The following LDLRAD4 variants were observed in gnomAD, a reference collection of about 807,000 sequenced individuals.
LDLRAD4 encodes low density lipoprotein receptor class A domain containing 4.
Under a neutral mutation model 17.0 loss-of-function variants are expected in LDLRAD4, and 5 were observed. The ratio of observed to expected loss-of-function variants is 0.29; its 90% CI spans 0.15 to 0.62. The LOEUF is 0.62. LDLRAD4 is among the 20% of genes least tolerant of loss of function. The pLI is 0.84. For synonymous variants in LDLRAD4, 168 were observed against 171.8 expected (o/e 0.98, Z 0.17); for missense variants, 340 against 424.7 (o/e 0.80, Z 1.75).
At chr18:13,565,684 C>G (rs2094591554) in intron 3 of LDLRAD4, among the ~76,000 whole-genome samples, 2 of 152,208 alleles carry the variant, frequency 1.3e-5, no homozygotes, top group South Asian at 4.1e-4. Flanking sequence ...ATGCCGTGAG[C>G]ATAACCTTTC....
At chr18:13,223,273 G>C (rs2041564342) in intron 1 of LDLRAD4, among the ~76,000 whole-genome samples, 1 of 152,186 alleles carries the variant, frequency 6.6e-6, no homozygotes, top group African/African-American at 2.4e-5. Flanking sequence ...TTCCTAAAAG[G>C]ACCTAGAGAG....
At chr18:13,553,591 G>A (rs1030247331) in intron 3 of LDLRAD4, among the ~76,000 whole-genome samples, 6 of 152,126 alleles carry the variant, frequency 3.9e-5, no homozygotes, top group East Asian at 1.9e-4. Context: ...GAGCTGTGCC[G>A]AGAACAGGGA....
intron 3 of LDLRAD4, chr18:13,611,722 T>C: frequency 1.0e-6 from 1 of 985,380 alleles, no homozygotes; most frequent in Non-Finnish European, 1.2e-6. Context: ...TGTGCTACCA[T>C]ACATGGGGAA....
At chr18:13,396,510 G>T (rs1246212336) in intron 2 of LDLRAD4, among the ~76,000 whole-genome samples, 1 of 152,138 alleles carries the variant, frequency 6.6e-6, no homozygotes, top group Middle Eastern at 3.2e-3. Context: ...TTTAGACAGG[G>T]TCTTGCTGTG....
chr18:13,433,543 G>C (rs1449372416), intron 2 of LDLRAD4, among the ~76,000 whole-genome samples: 1 of 152,114 alleles, frequency 6.6e-6, no homozygotes, highest in Non-Finnish European at 1.5e-5. Context: ...CTGTTAACTA[G>C]TAGAATGTTG....
At chr18:13,601,579 G>T (rs1044918965) in intron 3 of LDLRAD4, among the ~76,000 whole-genome samples, 1 of 151,786 alleles carries the variant, frequency 6.6e-6, no homozygotes, top group Non-Finnish European at 1.5e-5. Flanking sequence ...GCATGAACCC[G>T]GGAGGCGGAG....
In LDLRAD4 at chr18:13,601,557, G is replaced by A. The variant is rs372443368; in HGVS notation, c.182-19560G>A. On this transcript the variant is annotated intron_variant, in intron 3 of 5. Coordinates refer to ENST00000359446, the Ensembl canonical transcript of LDLRAD4. ...TAGTCCCAGCTACTCGGGAGGCTGA[G>A]GCAGGAGAATGGCATGAACCCGGGA... Among the ~76,000 whole-genome samples, 4 of 152,134 alleles carry A rather than the reference G, an allele frequency of 2.6e-5. No homozygotes were observed. The East Asian group carries it at 5.8e-4, about 22-fold the overall frequency.
chr18:13,531,587 CTT>C (rs10680224), intron 3 of LDLRAD4, among the ~76,000 whole-genome samples: 5 of 124,616 alleles, frequency 4.0e-5, no homozygotes, highest in African/African-American at 1.2e-4. Flanking sequence ...AAGACTCCAT[CTT>C]TTTTTTTTTT....
chr18:13,411,237 A>G (rs1362602916), intron 2 of LDLRAD4, among the ~76,000 whole-genome samples: 2 of 150,640 alleles, frequency 1.3e-5, no homozygotes, highest in Non-Finnish European at 2.9e-5. Flanking sequence ...GGGTGACAGA[A>G]CCAGACCCTG....
chr18:13,349,849 A>G (rs1432246319), intron 1 of LDLRAD4, among the ~76,000 whole-genome samples: 1 of 150,260 alleles, frequency 6.7e-6, no homozygotes, highest in African/African-American at 2.5e-5. Context: ...TGTTCTCACT[A>G]TTCAACTCCC....
intron 2 of LDLRAD4, 115 bp from the exon 4 acceptor site, chr18:13,438,129 G>C (rs571982581): frequency 2.5e-5 from 23 of 931,598 alleles, no homozygotes; most frequent in Non-Finnish European, 3.6e-5. Flanking sequence ...CAGATAGTCT[G>C]AGCTCCCAAA....
At chr18:13,393,215 T>G in intron 2 of LDLRAD4, among the ~76,000 whole-genome samples, 1 of 152,206 alleles carries the variant, frequency 6.6e-6, no homozygotes, top group East Asian at 1.9e-4. Flanking sequence ...ATGCTCGCTT[T>G]AGGAGATATT....
chr18:13,225,121 C>A (rs2041711484), intron 1 of LDLRAD4, among the ~76,000 whole-genome samples: 1 of 152,230 alleles, frequency 6.6e-6, no homozygotes, highest in Admixed American at 6.5e-5. Context: ...CAGGTGTGAG[C>A]CACTGCGCCA....
chr18:13,429,261 G>T (rs1328233657), intron 2 of LDLRAD4, among the ~76,000 whole-genome samples: 1 of 152,202 alleles, frequency 6.6e-6, no homozygotes. Flanking sequence ...GCAGTGATGG[G>T]CCCCAAAGCC....
chr18:13,602,262 T>G (rs550794382), intron 3 of LDLRAD4, among the ~76,000 whole-genome samples: 9 of 152,130 alleles, frequency 5.9e-5, no homozygotes, highest in Non-Finnish European at 1.3e-4. Context: ...CCCAGCAGCA[T>G]GCAGTATAAC....
At position 13,582,326 on chromosome 18, in the gene LDLRAD4, G is replaced by T. The variant is rs143273578; in HGVS notation, c.182-38791G>T. ...TGTGTATATCAGTTCTGTGTGCACT[G>T]TGCTGGACCATAAGTGGGCATCCCA... On this transcript the variant is annotated intron_variant, in intron 3 of 5. Transcript: ENST00000359446. Among the ~76,000 whole-genome samples the T allele has an allele frequency of 2.6e-5, 4 of 152,384 alleles. No individual in the cohort carries two copies. In the East Asian group the frequency reaches 7.7e-4, roughly 29 times the overall value.
intron 2 of LDLRAD4, among the ~76,000 whole-genome samples, chr18:13,431,034 C>T (rs1022949406): frequency 2.6e-5 from 4 of 152,168 alleles, no homozygotes; most frequent in African/African-American, 9.7e-5. Flanking sequence ...TTTATTAGTG[C>T]CTTTAAAATT....
chr18:13,245,499 A>G (rs2042912127), intron 1 of LDLRAD4, among the ~76,000 whole-genome samples: 1 of 152,198 alleles, frequency 6.6e-6, no homozygotes, highest in Admixed American at 6.5e-5. Context: ...CATATGTGAA[A>G]CCGAGGATCG....
chr18:13,547,610 A>G (rs560823465), intron 3 of LDLRAD4, among the ~76,000 whole-genome samples: 18 of 152,194 alleles, frequency 1.2e-4, no homozygotes. Flanking sequence ...GAGTGTGGCC[A>G]CTGTACATGG....
Sources: gnomAD v4.1 joint callset for allele counts (sites outside exome capture counted in the v4.1 genomes callset) on GRCh38, gnomAD v4.1.1 for gene constraint, MANE v1.5 for transcripts, NCBI Gene and HGNC (gene_info 2026-07-23, HGNC 2026-07-21) for gene names.